The following APAF1 variants were observed in gnomAD, a reference collection of about 807,000 sequenced individuals.
APAF1 encodes the protein apoptotic peptidase activating factor 1, also known as apoptotic protease-activating factor 1.
APAF1 carries 91 observed loss-of-function variants against 152.4 expected under a neutral mutation model. The observed-to-expected ratio is 0.60, with a 90% confidence interval of 0.50 to 0.71. The LOEUF is 0.71. APAF1 is among the 30% of genes least tolerant of loss of function. The pLI is 0.00. For missense variants in APAF1, 1,283 were observed against 1,472.0 expected, an observed-to-expected ratio of 0.87 and a Z score of 2.10; for synonymous variants, 484 against 494.1, an observed-to-expected ratio of 0.98 and a Z score of 0.27.
Position 98,659,363 on chromosome 12 carries a change from G to C in APAF1, c.710+20G>C. 1 of 1,613,718 alleles carries C rather than the reference G, an allele frequency of 6.2e-7. No homozygotes were observed. Among genetic ancestry groups the C allele is most frequent in the South Asian group, 1.1e-5 (1 of 91,076 alleles). ...CCCAAGGTACCGATGGTCAAATTTA[G>C]TTGGTGTGTCAGGTCCCATGTCCCA... On this transcript the variant is annotated intron_variant, in intron 5 of 26. Coordinates refer to ENST00000551964, the MANE Select transcript of APAF1 (RefSeq NM_181861.2).
chr12:98,723,101 G>T (rs1218286015), intron 22 of APAF1, 92 bp from the exon 23 acceptor site: 3 of 1,355,392 alleles, frequency 2.2e-6, no homozygotes, highest in Non-Finnish European at 3.2e-6. Context: ...GTGAGTAAAA[G>T]ACTTTAGACA....
chr12:98,701,772 C>T (rs1280870476), intron 17 of APAF1, among the ~76,000 whole-genome samples: 2 of 152,134 alleles, frequency 1.3e-5, no homozygotes, highest in African/African-American at 4.8e-5. Context: ...ATGTAGATCC[C>T]GATTTCTTAC....
chr12:98,700,989 C>T (rs1156990682), intron 17 of APAF1, among the ~76,000 whole-genome samples: 1 of 151,078 alleles, frequency 6.6e-6, no homozygotes, highest in Non-Finnish European at 1.5e-5. Context: ...CACATTTTTT[C>T]TTTGTTTTTT....
At chr12:98,714,062 C>T (rs1017622341) in intron 21 of APAF1, among the ~76,000 whole-genome samples, 10 of 152,220 alleles carry the variant, frequency 6.6e-5, no homozygotes, top group Non-Finnish European at 7.3e-5. Flanking sequence ...TGTATGTTTA[C>T]AGGTGAACCT....
intron 4 of APAF1, among the ~76,000 whole-genome samples, chr12:98,653,726 T>A (rs2097652840): frequency 1.3e-5 from 1 of 75,346 alleles, no homozygotes; most frequent in Non-Finnish European, 2.8e-5. Flanking sequence ...ATATATATAG[T>A]TTTTAACTAT....
In APAF1 at chr12:98,706,613, G is replaced by A. The variant is rs1386015514; in HGVS notation, c.2721+3G>A. The A allele has an allele frequency of 6.2e-7, 1 of 1,613,770 alleles. No individual in the cohort carries two copies. On this transcript the variant is annotated splice_donor_region_variant and intron_variant, in intron 19 of 26. Coordinates refer to ENST00000551964, the MANE Select transcript of APAF1 (RefSeq NM_181861.2). Reference sequence around the variant, plus strand: ...CTTCTGATGACCAGACAATCAGGGTGAGAAATATTGAGATTTTCATTTTGA... The same window carrying A: ...CTTCTGATGACCAGACAATCAGGGTAAGAAATATTGAGATTTTCATTTTGA...
Position 98,649,500 on chromosome 12 carries a change from G to T in APAF1, c.342G>T (p.Leu114=). ...SGITSYVRTV[L]CEGGVPQRPV... is the part of the protein sequence containing the mutation. ...TTTGGATTTTAGTAAGGACAGTCCT[G>T]TGTGAAGGTGGAGTACCACAGAGGC... Residue 114 remains leucine (L), a synonymous_variant, in exon 4 of 27, where the codon CTG becomes CTT. Coordinates refer to ENST00000551964, the MANE Select transcript of APAF1 (RefSeq NM_181861.2). The T allele has an allele frequency of 3.7e-6, 6 of 1,614,144 alleles. No homozygotes were observed. Among genetic ancestry groups the T allele is most frequent in the Non-Finnish European group, 5.1e-6 (6 of 1,179,974 alleles).
At chr12:98,725,947 C>G (rs1188468354) in intron 25 of APAF1, among the ~76,000 whole-genome samples, 1 of 152,136 alleles carries the variant, frequency 6.6e-6, no homozygotes, top group Admixed American at 6.5e-5. Flanking sequence ...AAGAAAAGAT[C>G]TCTTTAGCAC....
intron 16 of APAF1, among the ~76,000 whole-genome samples, chr12:98,690,449 A>G (rs1402712505): frequency 6.6e-6 from 1 of 152,166 alleles, no homozygotes. Flanking sequence ...TCATTTTGTC[A>G]GCCTATTATT....
intron 22 of APAF1, among the ~76,000 whole-genome samples, chr12:98,716,473 GA>G (rs1188948703): frequency 1.3e-5 from 2 of 152,186 alleles, no homozygotes; most frequent in Non-Finnish European, 2.9e-5. Flanking sequence ...GGTGTAGTTG[GA>G]AATTATTTTA....
chr12:98,648,324 G>T lies in APAF1; in HGVS notation c.-36G>T. On this transcript the variant is annotated 5_prime_UTR_variant, in exon 2 of 27. The change abolishes an upstream ATG in the 5' untranslated region. Coordinates refer to ENST00000551964, the MANE Select transcript of APAF1 (RefSeq NM_181861.2). ...TTTTGGTGTTTTGGCTGTAGCTCATGGTTGACAGCTCAGAGAGAGAAAGAT... is the reference window on the plus strand; with the variant it reads ...TTTTGGTGTTTTGGCTGTAGCTCATTGTTGACAGCTCAGAGAGAGAAAGAT... The T allele has an allele frequency of 6.2e-7, 1 of 1,613,570 alleles. No individual in the cohort carries two copies. The highest frequency in any genetic ancestry group is 8.5e-7 in the Non-Finnish European group (1 of 1,179,748).
intron 26 of APAF1, among the ~76,000 whole-genome samples, chr12:98,729,691 A>G (rs1281953084): frequency 2.6e-5 from 4 of 152,240 alleles, no homozygotes; most frequent in Non-Finnish European, 5.9e-5. Flanking sequence ...AAAACATTCA[A>G]GTGTAGGAGA....
chr12:98,689,458 G>GTGTGTGTC (rs2097701686), intron 16 of APAF1, among the ~76,000 whole-genome samples: 1 of 146,296 alleles, frequency 6.8e-6, no homozygotes, highest in African/African-American at 2.6e-5. Flanking sequence ...GAGAGAGAGA[G>GTGTGTGTC]AGAGAGTGTG....
intron 12 of APAF1, among the ~76,000 whole-genome samples, chr12:98,672,153 T>TTTTA (rs72354759): frequency 0.31 from 46,510 of 150,298 alleles, 7,746 homozygotes; most frequent in East Asian, 0.51. Context: ...TCCATGAAGA[T>TTTTA]TTTATTTATT....
intron 17 of APAF1, among the ~76,000 whole-genome samples, chr12:98,702,213 C>T (rs543503048): frequency 6.6e-6 from 1 of 152,178 alleles, no homozygotes; most frequent in African/African-American, 2.4e-5. Flanking sequence ...CTACAGGCAC[C>T]TGCCACCGCG....
At chr12:98,711,346 G>A (rs2097727717) in intron 20 of APAF1, among the ~76,000 whole-genome samples, 1 of 152,186 alleles carries the variant, frequency 6.6e-6, no homozygotes, top group Non-Finnish European at 1.5e-5. Flanking sequence ...TTGTGGGAGA[G>A]TTTAGAGGAT....
Position 98,732,753 on chromosome 12 carries a change from T to A in APAF1, c.*187T>A. The A allele has an allele frequency of 1.8e-6, 1 of 568,294 alleles. No individual in the cohort carries two copies. The highest frequency in any genetic ancestry group is 3.1e-6 in the Non-Finnish European group (1 of 322,582). 35.2% of individuals were successfully genotyped at this position (568,294 alleles called of 1,614,324 possible). On this transcript the variant is annotated 3_prime_UTR_variant, in exon 27 of 27. Transcript: ENST00000551964. ...TTTTCCCAAATGAACATACCTTTAA[T>A]CTTGTTTTTCATGATCATCATTAAC...
intron 16 of APAF1, among the ~76,000 whole-genome samples, chr12:98,689,435 TGAGAGAGAGA>T (rs10562439): frequency 5.2e-4 from 76 of 147,344 alleles, no homozygotes; most frequent in African/African-American, 9.3e-4. Context: ...TGTGTGAGGG[TGAGAGAGAGA>T]GAGAGAGAGA....
chr12:98,706,134 C>T (rs1425516178), intron 18 of APAF1, among the ~76,000 whole-genome samples: 2 of 152,076 alleles, frequency 1.3e-5, no homozygotes, highest in Non-Finnish European at 2.9e-5. Context: ...AGTATATAGA[C>T]TCTTCTACAC....
Sources: allele counts gnomAD v4.1 joint callset (sites outside exome capture counted in the v4.1 genomes callset), GRCh38; gene constraint gnomAD v4.1.1; transcripts MANE v1.5; gene names NCBI Gene and HGNC (gene_info 2026-07-23, HGNC 2026-07-21).